C7orf33: variants seen among roughly 807,000 people sequenced by gnomAD.
C7orf33 encodes chromosome 7 open reading frame 33, also known as uncharacterized protein C7orf33.
C7orf33 carries 15 observed loss-of-function variants against 13.4 expected under a neutral mutation model. The ratio of observed to expected loss-of-function variants is 1.12; its 90% confidence interval spans 0.75 to 1.72. The LOEUF is 1.72. Among genes scored for constraint, C7orf33 ranks in the 40% most tolerant of loss-of-function variants. C7orf33 has a pLI of 0.00. For synonymous variants in C7orf33, 73 were observed against 83.2 expected (o/e 0.88, Z 0.67); for missense variants, 187 against 220.3 (o/e 0.85, Z 0.96).
At chr7:148,602,935 A>C (rs1476884689) in intron 1 of C7orf33, among the ~76,000 whole-genome samples, 2 of 152,208 alleles carry the variant, frequency 1.3e-5, no homozygotes, top group Non-Finnish European at 2.9e-5. Context: ...CCTACAGGAT[A>C]ATGGCTACTT....
intron 1 of C7orf33, among the ~76,000 whole-genome samples, chr7:148,598,823 A>T (rs893928839): frequency 7.1e-6 from 1 of 139,914 alleles, no homozygotes; most frequent in Non-Finnish European, 1.5e-5. Context: ...GAGAATGAGA[A>T]TATATCCAGG....
At chr7:148,601,497 C>A (rs1796414265) in intron 1 of C7orf33, among the ~76,000 whole-genome samples, 1 of 150,040 alleles carries the variant, frequency 6.7e-6, no homozygotes, top group African/African-American at 2.5e-5. Flanking sequence ...AGGCATGTAC[C>A]ACCACACCTG....
At position 148,590,848 on chromosome 7, in the gene C7orf33, G is replaced by T; in HGVS notation, c.-78G>T. 3 of 1,347,808 alleles carry T rather than the reference G, an allele frequency of 2.2e-6. No homozygotes were observed. The highest frequency in any genetic ancestry group is 3.2e-6 in the Non-Finnish European group (3 of 945,478). The allele number at this position is 1,347,808 out of a possible 1,614,324, so 83.5% of individuals were successfully genotyped here. On this transcript the variant is annotated 5_prime_UTR_variant, in exon 1 of 3. Coordinates refer to ENST00000307003, the MANE Select transcript of C7orf33 (RefSeq NM_145304.4). ...CCTCCTACTGACCCTGGGGATCCGT[G>T]CGACTTGATCTTAGATATTGGTGGT...
At chr7:148,597,761 T>TTTGTTTTG (rs1439818167) in intron 1 of C7orf33, among the ~76,000 whole-genome samples, 5 of 150,416 alleles carry the variant, frequency 3.3e-5, no homozygotes, top group Non-Finnish European at 7.4e-5. Flanking sequence ...TTTGTTTTGT[T>TTTGTTTTG]TTGTTTTGTT....
At chr7:148,610,420 C>T (rs948802399) in intron 1 of C7orf33, among the ~76,000 whole-genome samples, 4 of 152,098 alleles carry the variant, frequency 2.6e-5, no homozygotes, top group African/African-American at 4.8e-5. Context: ...CTCTTTCTCC[C>T]GTGCTCGATG....
At chr7:148,595,693 TATAG>T (rs1796331318) in intron 1 of C7orf33, among the ~76,000 whole-genome samples, 1 of 136,274 alleles carries the variant, frequency 7.3e-6, no homozygotes. Flanking sequence ...ATCTATATTA[TATAG>T]ATATACATAT....
At chr7:148,610,186 G>C (rs1796520978) in intron 1 of C7orf33, among the ~76,000 whole-genome samples, 1 of 152,188 alleles carries the variant, frequency 6.6e-6, no homozygotes, top group Admixed American at 6.5e-5. Context: ...CTTCTGTGAT[G>C]GTTAATTCTG....
rs368126446 is a variant in C7orf33 at position 148,608,303 on chromosome 7, G to A, written c.205-5739G>A. Among the ~76,000 whole-genome samples the A allele has an allele frequency of 1.2e-3, 183 of 151,882 alleles. 4 individuals carry two copies. The highest frequency in any genetic ancestry group is 2.8e-3 in the Admixed American group (42 of 15,232). On this transcript the variant is annotated intron_variant, in intron 1 of 2. Coordinates refer to ENST00000307003, the MANE Select transcript of C7orf33 (RefSeq NM_145304.4). The stretch of plus-strand genomic sequence containing the variant: ...ATATTAGCTGGGCATGGTGGTGCGC[G>A]CCTGTAGTCCCAGCTACTTGGGAAG...
At chr7:148,598,485 C>T (rs144854755) in intron 1 of C7orf33, among the ~76,000 whole-genome samples, 3,014 of 151,874 alleles carry the variant, frequency 0.02, 38 homozygotes, top group Middle Eastern at 0.031. Flanking sequence ...TAAACCAATG[C>T]CCTGCTTCCT....
In C7orf33 at chr7:148,591,028, C is replaced by T. The variant is rs1383277607; in HGVS notation, c.103C>T (p.Arg35Trp). 28 of 1,614,038 alleles carry T rather than the reference C, an allele frequency of 1.7e-5. No homozygotes were observed. The highest frequency in any genetic ancestry group is 5.0e-5 in the Admixed American group (3 of 60,002). The change falls in exon 1 of 3, where the codon CGG (arginine) becomes TGG (tryptophan). Residue 35 changes from arginine to tryptophan, a missense_variant. Transcript: ENST00000307003. Reference sequence around the variant, plus strand: ...CCTCCTGCCCAGTGGGGCAAGGCGCCGGATTGACCTTCGCCTGAGTGGGAG... The same window carrying T: ...CCTCCTGCCCAGTGGGGCAAGGCGCTGGATTGACCTTCGCCTGAGTGGGAG... ...EALLPSGARR[R>W]IDLRLSGRAV...
At chr7:148,613,415 A>G (rs572657881) in intron 1 of C7orf33, among the ~76,000 whole-genome samples, 222 of 152,356 alleles carry the variant, frequency 1.5e-3, no homozygotes, top group Non-Finnish European at 1.9e-3. Flanking sequence ...AAACAACCCA[A>G]ATGTCCACCA....
chr7:148,590,916 CT>C lies in C7orf33; in HGVS notation c.-7del. The C allele has an allele frequency of 1.9e-6, 3 of 1,613,922 alleles. No homozygotes were observed. The highest frequency in any genetic ancestry group is 2.5e-6 in the Non-Finnish European group (3 of 1,179,850). The stretch of plus-strand genomic sequence containing the variant: ...GACAGCATCCAGGAAAGGTAATTAC[CT>C]TTGCCAAAATGCAAGTGGAAGTTCA... On this transcript the variant is annotated 5_prime_UTR_variant, in exon 1 of 3. Transcript: ENST00000307003.
chr7:148,615,453 A>C lies in C7orf33; in HGVS notation c.*52A>C, dbSNP rs1432706141. On this transcript the variant is annotated 3_prime_UTR_variant, in exon 3 of 3. Coordinates refer to ENST00000307003, the MANE Select transcript of C7orf33 (RefSeq NM_145304.4). Reference sequence around the variant, plus strand: ...TCTCTAAATTTGTGTAGATTGTGAAATCTCTTCTTGCAAGAAAAAAGAGAA... The same window carrying C: ...TCTCTAAATTTGTGTAGATTGTGAACTCTCTTCTTGCAAGAAAAAAGAGAA... 1 of 1,139,306 alleles carries C rather than the reference A, an allele frequency of 8.8e-7. No individual in the cohort carries two copies. The highest frequency in any genetic ancestry group is 1.3e-6 in the Non-Finnish European group (1 of 753,010). The allele number at this position is 1,139,306 out of a possible 1,614,324, so 70.6% of individuals were successfully genotyped here. A position where few individuals can be genotyped will look rare whatever the true frequency, so the allele number is the denominator to read the frequency against.
chr7:148,607,967 T>A (rs1796492822), intron 1 of C7orf33, among the ~76,000 whole-genome samples: 2 of 152,302 alleles, frequency 1.3e-5, no homozygotes, highest in South Asian at 2.1e-4. Context: ...TAAAATGGCC[T>A]TCAATCTCTG....
chr7:148,615,752 T>TGA lies in C7orf33; in HGVS notation c.*354_*355dup, dbSNP rs1309433467. The TGA allele has an allele frequency of 9.2e-6, 2 of 217,422 alleles. No homozygotes were observed. The highest frequency in any genetic ancestry group is 2.0e-4 in the East Asian group (2 of 10,138). 13.5% of individuals were successfully genotyped at this position (217,422 alleles called of 1,614,324 possible). A position where few individuals can be genotyped will look rare whatever the true frequency, so the allele number is the denominator to read the frequency against. Reference sequence around the variant, plus strand: ...ATTGTCTGCTGTGTGCTCCCGATGATGAGACTCTAGAGTTTACAACTGAAA... The same window carrying TGA: ...ATTGTCTGCTGTGTGCTCCCGATGATGAGAGACTCTAGAGTTTACAACTGAAA... On this transcript the variant is annotated 3_prime_UTR_variant, in exon 3 of 3. Transcript: ENST00000307003.
At chr7:148,602,368 A>T (rs951966988) in intron 1 of C7orf33, among the ~76,000 whole-genome samples, 2 of 152,134 alleles carry the variant, frequency 1.3e-5, no homozygotes, top group Admixed American at 6.5e-5. Context: ...AGGCCAACGC[A>T]GGTGGATCAC....
rs138375278 is a variant in C7orf33, at chr7:148,594,268, C to T, written c.204+3139C>T. ...TTGGCTCACTGCAAGCTCCGCCTCC[C>T]GGGTTCGTGCCATTCTCCTGCCTCA... is the stretch of plus-strand genomic sequence containing the variant. On this transcript the variant is annotated intron_variant, in intron 1 of 2. Coordinates refer to ENST00000307003, the MANE Select transcript of C7orf33 (RefSeq NM_145304.4). Among the ~76,000 whole-genome samples the T allele has an allele frequency of 3.4e-3, 508 of 151,524 alleles. 8 individuals are homozygous for T. The highest frequency in any genetic ancestry group is 0.011 in the African/African-American group (464 of 41,214).
At chr7:148,606,980 T>C (rs566507440) in intron 1 of C7orf33, among the ~76,000 whole-genome samples, 1 of 108,916 alleles carries the variant, frequency 9.2e-6, no homozygotes, top group East Asian at 2.8e-4. Context: ...AACAAGTTTA[T>C]TTACATGTAT....
chr7:148,595,952 A>C (rs961798233), intron 1 of C7orf33, among the ~76,000 whole-genome samples: 1 of 151,736 alleles, frequency 6.6e-6, no homozygotes, highest in African/African-American at 2.4e-5. Context: ...ATTACTGAGA[A>C]TACTGGCAAG....
Sources: gnomAD v4.1 joint callset for allele counts (sites outside exome capture counted in the v4.1 genomes callset) on GRCh38, gnomAD v4.1.1 for gene constraint, MANE v1.5 for transcripts, NCBI Gene and HGNC (gene_info 2026-07-23, HGNC 2026-07-21) for gene names.